Variants in KLC1 observed in about 807,000 individuals in gnomAD.
KLC1 encodes the protein kinesin 2 60/70kDa.
Under a neutral mutation model 84.2 loss-of-function variants are expected in KLC1, and 30 were observed. The ratio of observed to expected loss-of-function variants is 0.36; its 90% CI spans 0.27 to 0.48. The LOEUF is 0.48. Among genes scored for constraint, KLC1 ranks in the 20% least tolerant of loss-of-function variants. The probability of loss-of-function intolerance (pLI) is 0.99; values close to 1 mark genes in which losing one functional copy is unlikely to be tolerated. For missense variants in KLC1, 499 were observed against 805.4 expected, an observed-to-expected ratio of 0.62 and a Z score of 4.60; for synonymous variants, 289 against 293.3, an observed-to-expected ratio of 0.99 and a Z score of 0.15.
In KLC1 at chr14:103,701,103, TG is replaced by T. The variant is rs2083160625; in HGVS notation, c.*2-94del. On this transcript the variant is annotated intron_variant, in intron 16 of 16. Transcript: ENST00000334553. ...CAACACCCTCTTCTCTAGGCAGACT[TG>T]GGGTGGGGGTTCCCCAGAGAGCTGT... 2.8e-6 allele frequency: 4 copies of T among 1,439,806 alleles called. No homozygotes were observed. In the East Asian group the frequency reaches 1.0e-4, roughly 36 times the overall value. 89.2% of individuals were successfully genotyped at this position (1,439,806 alleles called of 1,614,324 possible).
chr14:103,640,930 A>AT (rs956048663), intron 1 of KLC1, among the ~76,000 whole-genome samples: 65 of 148,774 alleles, frequency 4.4e-4, no homozygotes, highest in East Asian at 4.0e-4. Flanking sequence ...TATTACTATT[A>AT]TTTTTTTTTT....
intron 15 of KLC1, chr14:103,699,822 C>A (rs554244728): frequency 8.6e-5 from 48 of 560,530 alleles, no homozygotes; most frequent in African/African-American, 7.3e-4. Flanking sequence ...TCTGGCCCCC[C>A]CAGGCAGTCA....
At chr14:103,674,663 C>T (rs1567030775) in intron 9 of KLC1, among the ~76,000 whole-genome samples, 2 of 152,234 alleles carry the variant, frequency 1.3e-5, no homozygotes, top group South Asian at 4.1e-4. Context: ...GATCCTCCTG[C>T]CTAAGTCCCC....
intron 1 of KLC1, among the ~76,000 whole-genome samples, chr14:103,634,481 G>GAT (rs994374202): frequency 6.6e-6 from 1 of 152,140 alleles, no homozygotes; most frequent in Non-Finnish European, 1.5e-5. Flanking sequence ...GGCAGTTAGA[G>GAT]ATACATCTTT....
intron 15 of KLC1, 29 bp downstream of exon 15, chr14:103,692,454 A>G (rs1436710093): frequency 7.2e-6 from 11 of 1,533,090 alleles, no homozygotes; most frequent in Middle Eastern, 1.7e-4. Flanking sequence ...ATTGTGTCCT[A>G]GGCTGCCCAG....
At chr14:103,651,566 A>G (rs144070990) in intron 1 of KLC1, among the ~76,000 whole-genome samples, 19 of 152,314 alleles carry the variant, frequency 1.2e-4, no homozygotes, top group African/African-American at 4.1e-4. Flanking sequence ...TCGAGTCTAA[A>G]TATACATGCC....
At chr14:103,696,631 T>C (rs974117868) in intron 15 of KLC1, 2 of 985,414 alleles carry the variant, frequency 2.0e-6, no homozygotes, top group African/African-American at 3.5e-5. Context: ...CGTGTCTTGC[T>C]GGGGCCAGCA....
chr14:103,655,101 T>C (rs2078732830), intron 2 of KLC1, among the ~76,000 whole-genome samples: 1 of 151,778 alleles, frequency 6.6e-6, no homozygotes, highest in Non-Finnish European at 1.5e-5. Flanking sequence ...GTGGCTGGCG[T>C]GTGTAATCCA....
At chr14:103,640,612 G>A (rs956064306) in intron 1 of KLC1, among the ~76,000 whole-genome samples, 7 of 152,020 alleles carry the variant, frequency 4.6e-5, no homozygotes, top group East Asian at 1.9e-4. Context: ...TGCCCGCCTC[G>A]GCCTCCCAAA....
rs2079643886 is a variant in KLC1, at chr14:103,665,062, G to GA, written c.797+2142dup. On this transcript the variant is annotated intron_variant, in intron 5 of 16. Coordinates refer to ENST00000334553, the MANE Select transcript of KLC1 (RefSeq NM_001394837.1). The stretch of plus-strand genomic sequence containing the variant: ...TTGACCCACGTGCGTAGATGTTTGG[G>GA]AAAAAAATAGTAGCTACATATGTAT... Among the ~76,000 whole-genome samples the GA allele has an allele frequency of 3.3e-5, 5 of 151,522 alleles. No homozygotes were observed. The South Asian group carries it at 8.3e-4, about 25-fold the overall frequency.
intron 15 of KLC1, chr14:103,698,856 C>T: frequency 6.2e-7 from 1 of 1,607,694 alleles, no homozygotes; most frequent in Non-Finnish European, 8.5e-7. Flanking sequence ...CGTGTAGGAA[C>T]AGGAGGAGGG....
chr14:103,648,635 TAAAAA>T (rs147274538), intron 1 of KLC1, among the ~76,000 whole-genome samples: 185 of 149,792 alleles, frequency 1.2e-3, no homozygotes, highest in Non-Finnish European at 1.3e-3. Context: ...AAAAAGAAAA[TAAAAA>T]AGAAAGAAAA....
intron 13 of KLC1, chr14:103,686,061 G>A (rs1273967862): frequency 1.3e-5 from 13 of 1,019,346 alleles, no homozygotes; most frequent in African/African-American, 5.2e-5. Flanking sequence ...AGAGCCCTGG[G>A]GGCCCCGCTC....
intron 1 of KLC1, among the ~76,000 whole-genome samples, chr14:103,638,765 A>G (rs567661986): frequency 6.8e-6 from 1 of 147,372 alleles, no homozygotes; most frequent in Non-Finnish European, 1.5e-5. Context: ...GTGTGAACAT[A>G]GTGGTGTGTA....
chr14:103,654,799 T>C lies in KLC1; in HGVS notation c.235T>C (p.Leu79=), dbSNP rs750197257. The change falls in exon 2 of 17, where the codon TTG becomes CTG. Residue 79 remains leucine (L), a synonymous_variant. Transcript: ENST00000334553. ...CATGATCCGGAAGTCACTGGAGATG[T>C]TGGAGCTCGGCCTGAGTGAGGCACA... is the stretch of plus-strand genomic sequence containing the variant. ...SNMIRKSLEM[L]ELGLSEAQVM... is the part of the protein sequence containing the mutation. 9.3e-6 allele frequency: 15 copies of C among 1,614,060 alleles called. No individual in the cohort carries two copies. Among genetic ancestry groups the C allele is most frequent in the East Asian group, 2.2e-5 (1 of 44,894 alleles).
intron 14 of KLC1, 44 bp from the exon 15 acceptor site, chr14:103,692,315 A>G (rs181361293): frequency 6.6e-7 from 1 of 1,523,242 alleles, no homozygotes; most frequent in East Asian, 2.4e-5. Flanking sequence ...TGGTTGACCG[A>G]TGTGCTGATC....
intron 14 of KLC1, among the ~76,000 whole-genome samples, chr14:103,689,229 A>T (rs1169418430): frequency 1.3e-5 from 2 of 152,218 alleles, no homozygotes; most frequent in Non-Finnish European, 2.9e-5. Flanking sequence ...TTAAGTGCAG[A>T]GTCCAGTTCT....
At chr14:103,649,406 A>G (rs572480930) in intron 1 of KLC1, among the ~76,000 whole-genome samples, 39 of 152,162 alleles carry the variant, frequency 2.6e-4, no homozygotes, top group African/African-American at 8.2e-4. Context: ...TATGTTAGGT[A>G]GTGACTTACA....
chr14:103,636,258 G>A (rs1430420053), intron 1 of KLC1, among the ~76,000 whole-genome samples: 1 of 151,920 alleles, frequency 6.6e-6, no homozygotes, highest in Non-Finnish European at 1.5e-5. Flanking sequence ...TTTCACTCTT[G>A]TTGCCCAGGC....
Sources: allele counts gnomAD v4.1 joint callset (sites outside exome capture counted in the v4.1 genomes callset), GRCh38; gene constraint gnomAD v4.1.1; transcripts MANE v1.5; gene names NCBI Gene and HGNC (gene_info 2026-07-23, HGNC 2026-07-21).